CDH19: variants seen among roughly 807,000 people sequenced by gnomAD.
CDH19 encodes the protein cadherin-19.
Under a neutral mutation model 64.2 loss-of-function variants are expected in CDH19, and 67 were observed. The observed-to-expected ratio is 1.04, with a 90% confidence interval of 0.86 to 1.28. The LOEUF (loss-of-function observed/expected upper bound fraction) is 1.28, where lower values mean the gene tolerates loss of function less well. CDH19 is among the 50% of genes most tolerant of loss of function. The pLI is 0.00. For missense variants in CDH19, 1,030 were observed against 929.0 expected, an observed-to-expected ratio of 1.11 and a Z score of -1.41; for synonymous variants, 346 against 319.3, an observed-to-expected ratio of 1.08 and a Z score of -0.89.
At chr18:66,563,881 C>G (rs1186672447) in intron 3 of CDH19, among the ~76,000 whole-genome samples, 1 of 151,800 alleles carries the variant, frequency 6.6e-6, no homozygotes, top group African/African-American at 2.4e-5. Flanking sequence ...ATTTTTGACA[C>G]CTCTACTTTT....
intron 8 of CDH19, among the ~76,000 whole-genome samples, chr18:66,534,112 T>C (rs879577751): frequency 6.6e-6 from 1 of 152,066 alleles, no homozygotes; most frequent in Non-Finnish European, 1.5e-5. Flanking sequence ...AAAAAAATTG[T>C]TCTCAGAAAT....
intron 7 of CDH19, among the ~76,000 whole-genome samples, chr18:66,542,647 G>A (rs1448603458): frequency 1.3e-5 from 2 of 151,992 alleles, no homozygotes; most frequent in Non-Finnish European, 2.9e-5. Flanking sequence ...TAAAACACAG[G>A]TTCCCAACCC....
At chr18:66,520,534 A>G (rs1287342138) in intron 9 of CDH19, among the ~76,000 whole-genome samples, 2 of 151,974 alleles carry the variant, frequency 1.3e-5, no homozygotes, top group South Asian at 2.1e-4. Context: ...AACTGAAAAG[A>G]ACAAAGAAAA....
chr18:66,555,432 C>T (rs1349693407), intron 3 of CDH19, among the ~76,000 whole-genome samples: 1 of 151,720 alleles, frequency 6.6e-6, no homozygotes, highest in African/African-American at 2.4e-5. Context: ...GGAATCCATT[C>T]TATACTTCAC....
At chr18:66,596,582 C>T (rs8087141) in intron 1 of CDH19, among the ~76,000 whole-genome samples, 51,286 of 151,788 alleles carry the variant, frequency 0.34, 10,080 homozygotes, top group Non-Finnish European at 0.45. Flanking sequence ...TACCTAGGAA[C>T]ACAGCTAGTC....
chr18:66,596,301 G>A (rs1988886843), intron 1 of CDH19: 1 of 152,144 alleles, frequency 6.6e-6, no homozygotes, highest in East Asian at 1.9e-4. Context: ...AGCTGTGGAA[G>A]TCCTAACCAG....
chr18:66,517,867 TG>T (rs1318232737), intron 9 of CDH19, among the ~76,000 whole-genome samples: 1 of 152,190 alleles, frequency 6.6e-6, no homozygotes, highest in Non-Finnish European at 1.5e-5. Flanking sequence ...ATTATCTGGG[TG>T]TTTTTTATAT....
At chr18:66,547,651 T>C (rs1188289590) in intron 5 of CDH19, among the ~76,000 whole-genome samples, 2 of 144,840 alleles carry the variant, frequency 1.4e-5, no homozygotes, top group Non-Finnish European at 1.5e-5. Context: ...TTCAGTTAAG[T>C]GTGTGTTAGG....
At chr18:66,521,527 G>A (rs62094756) in intron 9 of CDH19, among the ~76,000 whole-genome samples, 55,532 of 125,718 alleles carry the variant, frequency 0.44, 10,937 homozygotes, top group South Asian at 0.55. Flanking sequence ...TATTTATTTT[G>A]TTTGTTTGTT....
chr18:66,518,108 A>G (rs928712703), intron 9 of CDH19, among the ~76,000 whole-genome samples: 4 of 152,094 alleles, frequency 2.6e-5, no homozygotes, highest in African/African-American at 9.7e-5. Flanking sequence ...TTTCAATATT[A>G]CATAAAGTTT....
intron 9 of CDH19, among the ~76,000 whole-genome samples, chr18:66,528,480 T>G (rs916427183): frequency 1.3e-5 from 2 of 152,190 alleles, no homozygotes; most frequent in Admixed American, 6.5e-5. Flanking sequence ...ATCCTTGGGT[T>G]CTAACCCATT....
chr18:66,504,695 G>C lies in CDH19; in HGVS notation c.*117C>G, dbSNP rs1985094175. Reference sequence around the variant, plus strand: ...TGGAGTATTTACTCCAGGGAAATCAGAAAACTCCATAGACTAGGGCTTTCC... The same window carrying C: ...TGGAGTATTTACTCCAGGGAAATCACAAAACTCCATAGACTAGGGCTTTCC... On this transcript the variant is annotated 3_prime_UTR_variant, in exon 12 of 12. Coordinates refer to ENST00000262150, the MANE Select transcript of CDH19 (RefSeq NM_021153.4). 9.4e-7 allele frequency: 1 copy of C among 1,060,446 alleles called. No homozygotes were observed. The highest frequency in any genetic ancestry group is 1.3e-6 in the Non-Finnish European group (1 of 751,526). 65.7% of individuals were successfully genotyped at this position (1,060,446 alleles called of 1,614,324 possible). A position where few individuals can be genotyped will look rare whatever the true frequency, so the allele number is the denominator to read the frequency against.
intron 8 of CDH19, among the ~76,000 whole-genome samples, chr18:66,534,156 A>T (rs2144436565): frequency 6.6e-6 from 1 of 152,138 alleles, no homozygotes; most frequent in South Asian, 2.1e-4. Flanking sequence ...TAAAATAAAC[A>T]TCTTTGCATT....
chr18:66,570,136 G>C (rs1988056044), intron 2 of CDH19, among the ~76,000 whole-genome samples: 1 of 151,464 alleles, frequency 6.6e-6, no homozygotes, highest in Admixed American at 6.6e-5. Context: ...TATCAAGTGA[G>C]CAATGTATGG....
intron 1 of CDH19, among the ~76,000 whole-genome samples, chr18:66,576,148 G>A (rs1200389901): frequency 6.6e-6 from 1 of 150,680 alleles, no homozygotes; most frequent in Non-Finnish European, 1.5e-5. Context: ...CAAAGGACAG[G>A]TGAAAAAAAC....
At chr18:66,552,167 A>T (rs142802839) in intron 4 of CDH19, among the ~76,000 whole-genome samples, 1 of 152,104 alleles carries the variant, frequency 6.6e-6, no homozygotes, top group East Asian at 1.9e-4. Context: ...GCATCACAGA[A>T]TTTACCCATG....
chr18:66,518,338 ATTC>A (rs778922135), intron 9 of CDH19, among the ~76,000 whole-genome samples: 3 of 151,996 alleles, frequency 2.0e-5, no homozygotes, highest in Non-Finnish European at 4.4e-5. Context: ...GGTTCAAGCG[ATTC>A]TCCTGCCTCA....
chr18:66,548,277 A>G (rs1987212240), intron 5 of CDH19, among the ~76,000 whole-genome samples: 1 of 147,848 alleles, frequency 6.8e-6, no homozygotes, highest in African/African-American at 2.5e-5. Context: ...TTAAAAATAT[A>G]TAATATATGA....
At chr18:66,532,628 CT>C in intron 8 of CDH19, 1 of 399,564 alleles carries the variant, frequency 2.5e-6, no homozygotes, top group Non-Finnish European at 5.0e-6. Flanking sequence ...TTCTTGGAAG[CT>C]TTAGGATCCA....
Sources: allele counts gnomAD v4.1 joint callset (sites outside exome capture counted in the v4.1 genomes callset), GRCh38; gene constraint gnomAD v4.1.1; transcripts MANE v1.5; gene names NCBI Gene and HGNC (gene_info 2026-07-23, HGNC 2026-07-21).